ANK2: variants seen among roughly 807,000 people sequenced by gnomAD.
ANK2 encodes the protein ankyrin-2.
In ANK2, 83 loss-of-function variants were observed where a neutral mutation model predicts 360.5. The ratio of observed to expected loss-of-function variants is 0.23; its 90% CI spans 0.19 to 0.28. The LOEUF is 0.28. Among genes scored for constraint, ANK2 ranks in the 10% least tolerant of loss-of-function variants. ANK2 has a pLI of 1.00. For missense variants in ANK2, 4,201 were observed against 4,795.7 expected, an observed-to-expected ratio of 0.88 and a Z score of 3.66; for synonymous variants, 1,740 against 1,759.5, an observed-to-expected ratio of 0.99 and a Z score of 0.28.
intron 1 of ANK2, among the ~76,000 whole-genome samples, chr4:112,865,031 C>CAAAAA (rs56149739): frequency 2.7e-4 from 14 of 52,504 alleles, no homozygotes; most frequent in African/African-American, 3.6e-4. Flanking sequence ...GACTCCATCT[C>CAAAAA]AAAAAAAAAA....
chr4:112,805,914 C>G, the ANK2 span, among the ~76,000 whole-genome samples: 83 of 152,042 alleles, frequency 5.5e-4, no homozygotes, highest in African/African-American at 1.9e-3. Context: ...AATTTTTAAG[C>G]CTTTAATTAT....
intron 29 of ANK2, 79 bp downstream of exon 29, chr4:113,333,287 G>GGTGTGTGTCTGT: frequency 1.3e-6 from 2 of 1,489,136 alleles, no homozygotes; most frequent in Non-Finnish European, 1.9e-6. Flanking sequence ...ATGACCTAGG[G>GGTGTGTGTCTGT]GTGTGTGTAT....
intron 1 of ANK2, among the ~76,000 whole-genome samples, chr4:112,877,387 TCATCCAGC>T (rs1277448562): frequency 6.6e-6 from 1 of 152,186 alleles, no homozygotes; most frequent in East Asian, 1.9e-4. Context: ...ATCTTACCTG[TCATCCAGC>T]CTAGAGTGCT....
chr4:113,333,155 T>G lies in ANK2; in HGVS notation c.3326T>G (p.Phe1109Cys). 6.2e-7 allele frequency: 1 copy of G among 1,614,214 alleles called. No individual in the cohort carries two copies. The highest frequency in any genetic ancestry group is 8.5e-7 in the Non-Finnish European group (1 of 1,180,020). Residue 1109 changes from phenylalanine to cysteine, a missense_variant, in exon 29 of 46, where the codon TTC becomes TGC. Coordinates refer to ENST00000357077, the MANE Select transcript of ANK2 (RefSeq NM_001148.6). ...SENGDSWKEH[F>C]CDYTEDELNE... ...AATGGGGACAGCTGGAAAGAGCATT[T>G]CTGTGACTACACTGAAGATGAATTG... is the stretch of plus-strand genomic sequence containing the variant.
chr4:113,218,485 A>C (rs1315036277), intron 4 of ANK2, among the ~76,000 whole-genome samples: 1 of 152,026 alleles, frequency 6.6e-6, no homozygotes. Flanking sequence ...ATTGATGAAG[A>C]AAGCAATAAC....
rs768776696 is a variant in ANK2, at chr4:113,357,222, A to C, written c.8604A>C (p.Thr2868=). Residue 2868 remains threonine, a synonymous_variant, in exon 38 of 46, where the codon ACA becomes ACC. Coordinates refer to ENST00000357077, the MANE Select transcript of ANK2 (RefSeq NM_001148.6). Reference sequence around the variant, plus strand: ...AATTAGATGAAGACATATCTGCCACATCTTCTATTCAAAAAACAGAGGTCA... The same window carrying C: ...AATTAGATGAAGACATATCTGCCACCTCTTCTATTCAAAAAACAGAGGTCA... The part of the protein sequence containing the change: ...GKELDEDISA[T]SSIQKTEVTK... The C allele has an allele frequency of 6.2e-7, 1 of 1,614,102 alleles. No homozygotes were observed. Among genetic ancestry groups the C allele is most frequent in the South Asian group, 1.1e-5 (1 of 91,080 alleles).
chr4:112,823,450 G>A (rs2057668302), intron 1 of ANK2, among the ~76,000 whole-genome samples: 1 of 151,870 alleles, frequency 6.6e-6, no homozygotes, highest in Non-Finnish European at 1.5e-5. Flanking sequence ...TAAGCTTCAG[G>A]TTATGGAGGA....
intron 18 of ANK2, among the ~76,000 whole-genome samples, chr4:113,286,765 T>C (rs531635851): frequency 3.9e-5 from 6 of 152,284 alleles, no homozygotes; most frequent in African/African-American, 1.4e-4. Context: ...AAATATACTG[T>C]AGGCTAGAAT....
chr4:113,287,802 A>G, intron 19 of ANK2, 99 bp downstream of exon 19: 1 of 936,752 alleles, frequency 1.1e-6, no homozygotes. Context: ...TTCCCTCCTC[A>G]AGAGTCCATT....
Position 113,232,156 on chromosome 4 carries a change from C to T in ANK2, c.385-5C>T. The T allele has an allele frequency of 6.4e-7, 1 of 1,562,402 alleles. No homozygotes were observed. Among genetic ancestry groups the T allele is most frequent in the East Asian group, 2.2e-5 (1 of 44,588 alleles). On this transcript the variant is annotated splice_region_variant and splice_polypyrimidine_tract_variant and intron_variant, in intron 4 of 45. Coordinates refer to ENST00000357077, the MANE Select transcript of ANK2 (RefSeq NM_001148.6). ...AAGGTGTCTTTTTTTATTGCTTGTC[C>T]TCAGAATGGCTTTACTCCTTTATAC...
chr4:113,174,092 G>A (rs2098100786), intron 1 of ANK2: 1 of 306,848 alleles, frequency 3.3e-6, no homozygotes, highest in Non-Finnish European at 6.4e-6. Flanking sequence ...AAATGAATGA[G>A]TAATAGCAGT....
the ANK2 span, among the ~76,000 whole-genome samples, chr4:112,709,905 C>T: frequency 6.6e-6 from 1 of 152,138 alleles, no homozygotes; most frequent in Non-Finnish European, 1.5e-5. Context: ...CAGTGTCATT[C>T]TCTTGTTTCT....
intron 2 of ANK2, among the ~76,000 whole-genome samples, chr4:113,000,929 G>A (rs987314755): frequency 1.3e-5 from 2 of 152,100 alleles, no homozygotes; most frequent in African/African-American, 4.8e-5. Flanking sequence ...TGAACTACAG[G>A]AATAATTCCT....
intron 29 of ANK2, 37 bp from the exon 30 acceptor site, chr4:113,335,809 T>G: frequency 6.3e-7 from 1 of 1,583,866 alleles, no homozygotes; most frequent in Non-Finnish European, 8.7e-7. Flanking sequence ...AGGAAATCTT[T>G]GCTATGTGAA....
At chr4:113,111,701 G>T (rs1056792396) in intron 1 of ANK2, among the ~76,000 whole-genome samples, 1 of 151,728 alleles carries the variant, frequency 6.6e-6, no homozygotes, top group Non-Finnish European at 1.5e-5. Context: ...TATATTTTTT[G>T]GAAAAAAAAC....
intron 2 of ANK2, among the ~76,000 whole-genome samples, chr4:112,963,118 G>T (rs1286768146): frequency 6.6e-6 from 1 of 152,104 alleles, no homozygotes; most frequent in East Asian, 1.9e-4. Context: ...TTGTCGTGGT[G>T]ATATGGTTCA....
intron 38 of ANK2, among the ~76,000 whole-genome samples, chr4:113,360,185 G>A (rs34787376): frequency 5.3e-5 from 8 of 152,152 alleles, no homozygotes; most frequent in Non-Finnish European, 1.2e-4. Context: ...GGAGTGAGTA[G>A]TATATAAGCT....
intron 1 of ANK2, among the ~76,000 whole-genome samples, chr4:112,897,433 GA>G (rs1384605342): frequency 2.6e-5 from 4 of 152,212 alleles, no homozygotes; most frequent in Non-Finnish European, 5.9e-5. Context: ...TGGTTATAAA[GA>G]AAAGCAACTG....
intron 1 of ANK2, among the ~76,000 whole-genome samples, chr4:112,892,530 AC>A (rs918157597): frequency 2.6e-5 from 4 of 152,210 alleles, no homozygotes; most frequent in Non-Finnish European, 5.9e-5. Flanking sequence ...CAATTACCCA[AC>A]TCAAATTTTG....
Sources: gnomAD v4.1 joint callset for allele counts (sites outside exome capture counted in the v4.1 genomes callset) on GRCh38, gnomAD v4.1.1 for gene constraint, MANE v1.5 for transcripts, NCBI Gene and HGNC (gene_info 2026-07-23, HGNC 2026-07-21) for gene names.